Variants in ZBTB7C observed in about 807,000 individuals in gnomAD.
ZBTB7C encodes zinc finger and BTB domain containing 7C, also known as zinc finger and BTB domain-containing protein 7C.
In ZBTB7C, 8 loss-of-function variants were observed where a neutral mutation model predicts 25.7. The observed-to-expected ratio is 0.31, with a 90% CI of 0.18 to 0.56. The LOEUF is 0.56. Among genes scored for constraint, ZBTB7C ranks in the 20% least tolerant of loss-of-function variants. The pLI, the probability that ZBTB7C is intolerant of heterozygous loss-of-function variation, is 0.91. For missense variants in ZBTB7C, 824 were observed against 855.2 expected, an observed-to-expected ratio of 0.96 and a Z score of 0.46; for synonymous variants, 394 against 369.0, an observed-to-expected ratio of 1.07 and a Z score of -0.78.
intron 3 of ZBTB7C, among the ~76,000 whole-genome samples, chr18:48,077,756 G>A (rs2037828169): frequency 6.6e-6 from 1 of 152,132 alleles, no homozygotes; most frequent in African/African-American, 2.4e-5. Flanking sequence ...CATCTGAGTT[G>A]GGTCTTATCA....
At chr18:48,368,186 TGCTTAA>T (rs1442650211) in intron 1 of ZBTB7C, among the ~76,000 whole-genome samples, 3 of 144,992 alleles carry the variant, frequency 2.1e-5, no homozygotes, top group Non-Finnish European at 4.5e-5. Flanking sequence ...CACAAAAAAA[TGCTTAA>T]GCCAGCAACT....
intron 3 of ZBTB7C, among the ~76,000 whole-genome samples, chr18:48,044,300 C>G (rs143848802): frequency 0.044 from 6,649 of 152,332 alleles, 172 homozygotes; most frequent in Non-Finnish European, 0.067. Flanking sequence ...AGCTGTGCTG[C>G]AGAGAGAGCT....
intron 2 of ZBTB7C, among the ~76,000 whole-genome samples, chr18:48,217,979 G>A (rs1465018177): frequency 6.6e-6 from 1 of 152,162 alleles, no homozygotes; most frequent in African/African-American, 2.4e-5. Context: ...ACAGACCACA[G>A]CAAAGGCCAA....
chr18:48,033,553 G>A (rs1055594294), intron 4 of ZBTB7C, among the ~76,000 whole-genome samples: 7 of 152,176 alleles, frequency 4.6e-5, no homozygotes, highest in African/African-American at 1.7e-4. Context: ...GGGGGCAAGG[G>A]GTGGGAAGAG....
intron 3 of ZBTB7C, among the ~76,000 whole-genome samples, chr18:48,178,992 A>G (rs1168165622): frequency 1.3e-5 from 2 of 152,066 alleles, no homozygotes; most frequent in African/African-American, 4.8e-5. Flanking sequence ...TCTCATATTC[A>G]TTGATTTTGA....
intron 2 of ZBTB7C, among the ~76,000 whole-genome samples, chr18:48,245,092 G>GTATATA (rs1397704476): frequency 7.2e-4 from 91 of 126,332 alleles, no homozygotes; most frequent in Non-Finnish European, 1.1e-3. Context: ...GTGTGTGTGT[G>GTATATA]TATATATATA....
intron 2 of ZBTB7C, among the ~76,000 whole-genome samples, chr18:48,287,471 C>T (rs1249648880): frequency 1.3e-5 from 2 of 152,112 alleles, no homozygotes; most frequent in African/African-American, 4.8e-5. Flanking sequence ...AATGGTTTCA[C>T]AGGAAAGTTC....
chr18:48,226,690 T>G (rs2043104240), intron 2 of ZBTB7C, among the ~76,000 whole-genome samples: 1 of 152,210 alleles, frequency 6.6e-6, no homozygotes, highest in African/African-American at 2.4e-5. Flanking sequence ...TCTGGCCAGC[T>G]GGCCACAAGA....
Position 48,181,656 on chromosome 18 carries a change from T to G in ZBTB7C, c.-17+4278A>C, listed in dbSNP as rs974554545. Reference sequence around the variant, plus strand: ...TCAGCTTGCTGCCCTCTGGCTGTCCTGTTTTCTACCCAAAACTAGGACCTC... The same window carrying G: ...TCAGCTTGCTGCCCTCTGGCTGTCCGGTTTTCTACCCAAAACTAGGACCTC... On this transcript the variant is annotated intron_variant, in intron 3 of 4. Coordinates refer to ENST00000590800, the MANE Select transcript of ZBTB7C (RefSeq NM_001318841.2). Among the ~76,000 whole-genome samples, 4 of 152,348 alleles carry G rather than the reference T, an allele frequency of 2.6e-5. No individual in the cohort carries two copies. The East Asian group carries it at 7.7e-4, about 29-fold the overall frequency.
At chr18:48,039,803 C>A (rs1315371022) in intron 4 of ZBTB7C, 97 bp downstream of exon 4, 14 of 1,294,330 alleles carry the variant, frequency 1.1e-5, no homozygotes, top group Non-Finnish European at 1.5e-5. Context: ...TGGGATCTAT[C>A]TGGGTCTCTG....
At chr18:48,064,568 C>T (rs1379663781) in intron 3 of ZBTB7C, among the ~76,000 whole-genome samples, 3 of 152,244 alleles carry the variant, frequency 2.0e-5, no homozygotes, top group East Asian at 1.9e-4. Flanking sequence ...TATGGCAAAA[C>T]CCCATTTCTA....
chr18:48,271,784 G>A (rs921878377), intron 2 of ZBTB7C, among the ~76,000 whole-genome samples: 4 of 151,844 alleles, frequency 2.6e-5, no homozygotes, highest in African/African-American at 9.7e-5. Flanking sequence ...ACTCAGTCAC[G>A]ATAACTTGGT....
chr18:48,037,176 C>T (rs565596157), intron 4 of ZBTB7C, among the ~76,000 whole-genome samples: 7 of 152,218 alleles, frequency 4.6e-5, no homozygotes, highest in Non-Finnish European at 1.5e-5. Context: ...TCGGGAGGGT[C>T]AGAGACCAGT....
intron 2 of ZBTB7C, among the ~76,000 whole-genome samples, chr18:48,269,149 C>A (rs780097562): frequency 2.0e-5 from 3 of 151,752 alleles, no homozygotes; most frequent in South Asian, 4.2e-4. Flanking sequence ...TTTTTAGTAT[C>A]GGCAGGGTTT....
intron 2 of ZBTB7C, among the ~76,000 whole-genome samples, chr18:48,197,209 G>T (rs922526585): frequency 6.6e-6 from 1 of 152,094 alleles, no homozygotes; most frequent in African/African-American, 2.4e-5. Flanking sequence ...ACAGAAAAAT[G>T]GAACTAGGGA....
intron 2 of ZBTB7C, among the ~76,000 whole-genome samples, chr18:48,320,655 C>T (rs548579166): frequency 1.3e-5 from 2 of 152,340 alleles, no homozygotes; most frequent in South Asian, 4.1e-4. Flanking sequence ...AAAATCTACC[C>T]TAAATGCTAT....
intron 3 of ZBTB7C, among the ~76,000 whole-genome samples, chr18:48,101,533 T>A (rs1212919436): frequency 6.6e-6 from 1 of 152,244 alleles, no homozygotes; most frequent in Non-Finnish European, 1.5e-5. Context: ...ACGTTTCCAG[T>A]GCTCAGTGAG....
At chr18:48,075,328 C>T (rs906758259) in intron 3 of ZBTB7C, among the ~76,000 whole-genome samples, 7 of 152,222 alleles carry the variant, frequency 4.6e-5, no homozygotes, top group Non-Finnish European at 8.8e-5. Context: ...GTCTTAGCTG[C>T]AGATCTGCTC....
rs112944985 is a variant in ZBTB7C at position 48,093,456 on chromosome 18, C to T, written c.-16-52333G>A. Among the ~76,000 whole-genome samples the T allele has an allele frequency of 1.0e-3, 153 of 152,276 alleles. 2 individuals are homozygous for T. The highest frequency in any genetic ancestry group is 3.3e-3 in the African/African-American group (137 of 41,556). On this transcript the variant is annotated intron_variant, in intron 3 of 4. Transcript: ENST00000590800. ...AAATCCAAAAAGTTTATATGAATGACTCGGAGTGGAATTTAAGACACCTCT... is the reference window on the plus strand; with the variant it reads ...AAATCCAAAAAGTTTATATGAATGATTCGGAGTGGAATTTAAGACACCTCT...
Sources: allele counts gnomAD v4.1 joint callset (sites outside exome capture counted in the v4.1 genomes callset), GRCh38; gene constraint gnomAD v4.1.1; transcripts MANE v1.5; gene names NCBI Gene and HGNC (gene_info 2026-07-23, HGNC 2026-07-21).